The following VPS13C variants were observed in gnomAD, a reference collection of about 807,000 sequenced individuals.
VPS13C encodes vacuolar protein sorting 13 homolog C.
In VPS13C, 358 loss-of-function variants were observed where a neutral mutation model predicts 456.8. The ratio of observed to expected loss-of-function variants is 0.78; its 90% CI spans 0.72 to 0.86. The LOEUF (loss-of-function observed/expected upper bound fraction) is 0.86, where lower values mean the gene tolerates loss of function less well. VPS13C is among the 40% of genes least tolerant of loss of function. VPS13C has a pLI of 0.00. For missense variants in VPS13C, 4,818 were observed against 4,385.4 expected (o/e 1.10, Z -2.79); for synonymous variants, 1,578 against 1,486.7 (o/e 1.06, Z -1.41).
intron 18 of VPS13C, among the ~76,000 whole-genome samples, chr15:61,987,870 C>G (rs1430447571): frequency 6.6e-6 from 1 of 152,168 alleles, no homozygotes; most frequent in African/African-American, 2.4e-5. Context: ...CCCAGCAACT[C>G]TACTCCCAGG....
In VPS13C at chr15:61,920,300, T is replaced by C; in HGVS notation, c.7244A>G (p.Asp2415Gly). Residue 2415 changes from aspartate to glycine, a missense_variant, in exon 57 of 85, where the codon GAC (aspartate) becomes GGC (glycine). Asp to Gly is a moderately conservative substitution (Grantham distance 94). This residue lies in a region of VPS13C where 4,552 missense variants were observed against 4,130.6 expected (regional missense o/e 1.10). Coordinates refer to ENST00000644861, the MANE Select transcript of VPS13C (RefSeq NM_020821.3). ...GFSEGTASTF[D>G]YSLKDRAPFT... Reference sequence around the variant, plus strand: ...AGGAGCTCTGTCCTTTAAAGAGTAGTCAAAAGTAGAAGCAGTGCCCTCTGA... The same window carrying C: ...AGGAGCTCTGTCCTTTAAAGAGTAGCCAAAAGTAGAAGCAGTGCCCTCTGA... The C allele has an allele frequency of 6.2e-7, 1 of 1,608,772 alleles. No homozygotes were observed.
chr15:61,864,282 A>C, intron 81 of VPS13C: 4 of 823,796 alleles, frequency 4.9e-6, no homozygotes, highest in Non-Finnish European at 5.9e-6. Context: ...AACAAATATG[A>C]GCATAAAATA....
At chr15:61,962,247 C>G in intron 34 of VPS13C, 124 bp downstream of exon 34, 1 of 832,152 alleles carries the variant, frequency 1.2e-6, no homozygotes, top group Non-Finnish European at 1.8e-6. Context: ...TCTACATTCA[C>G]GCATAAATAT....
chr15:61,881,622 A>T lies in VPS13C; in HGVS notation c.9717T>A (p.Pro3239=). The change falls in exon 71 of 85, where the codon CCT becomes CCA. Residue 3239 remains proline, a synonymous_variant. Transcript: ENST00000644861. ...TTGTGATGACACTCACATCAATGAA[A>T]GGCTTGGGCTCTAAGAGGAAGAAGT... ...KSIALDSEPK[P]FIDVSVITRF... is the part of the protein sequence containing the mutation. 1.2e-6 allele frequency: 2 copies of T among 1,612,748 alleles called. No homozygotes were observed. The highest frequency in any genetic ancestry group is 1.1e-5 in the South Asian group (1 of 90,932).
At chr15:61,885,324 T>C (rs1832261382) in intron 67 of VPS13C, among the ~76,000 whole-genome samples, 1 of 152,108 alleles carries the variant, frequency 6.6e-6, no homozygotes, top group Non-Finnish European at 1.5e-5. Flanking sequence ...AAAACTAATT[T>C]CCAAAGCCAC....
At chr15:61,863,676 G>C in intron 81 of VPS13C, 148 bp from the exon 82 acceptor site, 1 of 472,832 alleles carries the variant, frequency 2.1e-6, no homozygotes. Context: ...CATGAAGCTA[G>C]AAAAATATTC....
intron 58 of VPS13C, 68 bp downstream of exon 58, chr15:61,919,221 T>C (rs2043568391): frequency 1.0e-5 from 15 of 1,469,264 alleles, no homozygotes; most frequent in Non-Finnish European, 1.4e-5. Context: ...TGTATTCCTA[T>C]ATTCAGCTAA....
rs1338267876 is a variant in VPS13C, at chr15:61,867,114, T to C, written c.10863+1545A>G. On this transcript the variant is annotated intron_variant, in intron 81 of 84. Coordinates refer to ENST00000644861, the MANE Select transcript of VPS13C (RefSeq NM_020821.3). The surrounding 1 kb of genome is among the most constrained non-coding windows in gnomAD (Gnocchi z 5.0). ...GGATTTAAAAGCAAAAGGTTGGTTT[T>C]TGAAAATAAAGAAATCTATGTATTC... 1.0e-6 allele frequency: 1 copy of C among 978,422 alleles called. No individual in the cohort carries two copies. Among genetic ancestry groups the C allele is most frequent in the Non-Finnish European group, 1.2e-6 (1 of 823,644 alleles). 60.6% of individuals were successfully genotyped at this position (978,422 alleles called of 1,614,324 possible).
intron 1 of VPS13C, among the ~76,000 whole-genome samples, chr15:62,044,620 G>C (rs2048346510): frequency 1.3e-5 from 2 of 152,068 alleles, no homozygotes; most frequent in African/African-American, 4.8e-5. Context: ...TGATTACAAG[G>C]TCAGATCAAT....
chr15:61,959,315 G>T (rs2045114311), intron 36 of VPS13C, 133 bp downstream of exon 36: 2 of 711,130 alleles, frequency 2.8e-6, no homozygotes, highest in African/African-American at 1.8e-5. Flanking sequence ...TAATGATCTT[G>T]TTGGACAAAG....
intron 15 of VPS13C, among the ~76,000 whole-genome samples, chr15:62,002,633 T>C (rs1005926908): frequency 2.0e-5 from 3 of 152,316 alleles, no homozygotes; most frequent in East Asian, 1.9e-4. Flanking sequence ...GGTTTTCTTC[T>C]AGGGTTTTTA....
At chr15:61,999,925 G>A (rs569872386) in intron 16 of VPS13C, among the ~76,000 whole-genome samples, 73 of 148,818 alleles carry the variant, frequency 4.9e-4, no homozygotes, top group African/African-American at 1.7e-3. Flanking sequence ...AAAAAAAGGA[G>A]ATAAAAAGCA....
At chr15:62,013,823 G>T in intron 10 of VPS13C, 110 bp downstream of exon 10, 1 of 770,258 alleles carries the variant, frequency 1.3e-6, no homozygotes, top group Non-Finnish European at 2.1e-6. Flanking sequence ...CTAGACCCTA[G>T]ACTTTTAACT....
At chr15:61,880,461 A>G in intron 73 of VPS13C, 148 bp downstream of exon 73, 1 of 524,742 alleles carries the variant, frequency 1.9e-6, no homozygotes, top group South Asian at 3.5e-5. Context: ...CATATGCTAC[A>G]GAGAACTGTC....
rs199908334 is a variant in VPS13C, at chr15:62,006,078, G to GT, written c.1290+1229dup. Among the ~76,000 whole-genome samples, 71 of 141,048 alleles carry GT rather than the reference G, an allele frequency of 5.0e-4. No individual in the cohort carries two copies. The East Asian group carries it at 5.1e-3, about 10-fold the overall frequency. 92.5% of individuals were successfully genotyped at this position (141,048 alleles called of 152,430 possible). On this transcript the variant is annotated intron_variant, in intron 15 of 84. Coordinates refer to ENST00000644861, the MANE Select transcript of VPS13C (RefSeq NM_020821.3). Reference sequence around the variant, plus strand: ...AAGTAAAAGCTGTTTTTTTGTTTTTGTTTTTTTTTAAAGAAATTCTTATTT... The same window carrying GT: ...AAGTAAAAGCTGTTTTTTTGTTTTTGTTTTTTTTTTAAAGAAATTCTTATTT...
intron 31 of VPS13C, among the ~76,000 whole-genome samples, chr15:61,964,219 A>C (rs2140327850): frequency 6.6e-6 from 1 of 152,216 alleles, no homozygotes; most frequent in East Asian, 1.9e-4. Context: ...AAGTTAAATA[A>C]TGTGTCTAAG....
At chr15:61,921,340 T>C (rs1390994264) in intron 55 of VPS13C, among the ~76,000 whole-genome samples, 1 of 152,094 alleles carries the variant, frequency 6.6e-6, no homozygotes, top group African/African-American at 2.4e-5. Context: ...TTCTTAACAA[T>C]ATATGACTCA....
intron 83 of VPS13C, 131 bp downstream of exon 83, chr15:61,856,155 A>T: frequency 9.1e-7 from 1 of 1,098,260 alleles, no homozygotes; most frequent in Non-Finnish European, 1.3e-6. Flanking sequence ...TAAATTGATT[A>T]CATCTTTCTT....
chr15:61,999,642 T>C (rs1410366176), intron 16 of VPS13C, among the ~76,000 whole-genome samples: 1 of 152,144 alleles, frequency 6.6e-6, no homozygotes, highest in East Asian at 1.9e-4. Flanking sequence ...CTAATTTTTC[T>C]ACAATGAGTT....
Sources: gnomAD v4.1 joint callset for allele counts (sites outside exome capture counted in the v4.1 genomes callset) on GRCh38, gnomAD v4.1.1 for gene constraint, gnomAD v4.1.1 regional missense constraint, Gnocchi (gnomAD v3.1) non-coding constraint, MANE v1.5 for transcripts, NCBI Gene and HGNC (gene_info 2026-07-23, HGNC 2026-07-21) for gene names.